The following FCRL2 variants were observed in gnomAD, a reference collection of about 807,000 sequenced individuals.
FCRL2 encodes Fc receptor like 2.
FCRL2 carries 48 observed loss-of-function variants against 59.8 expected under a neutral mutation model. The ratio of observed to expected loss-of-function variants is 0.80; its 90% CI spans 0.64 to 1.02. The LOEUF is 1.02. Among genes scored for constraint, FCRL2 ranks in the 50% least tolerant of loss-of-function variants. The pLI, the probability that FCRL2 is intolerant of heterozygous loss-of-function variation, is 0.00. For missense variants in FCRL2, 658 were observed against 597.3 expected, an observed-to-expected ratio of 1.10 and a Z score of -1.06; for synonymous variants, 251 against 229.5, an observed-to-expected ratio of 1.09 and a Z score of -0.85.
At chr1:157,760,976 A>C (rs985603122) in intron 7 of FCRL2, among the ~76,000 whole-genome samples, 1 of 152,214 alleles carries the variant, frequency 6.6e-6, no homozygotes, top group African/African-American at 2.4e-5. Context: ...AAATAAAATA[A>C]AATACTAGCT....
intron 7 of FCRL2, among the ~76,000 whole-genome samples, chr1:157,758,428 A>G (rs985796016): frequency 2.6e-5 from 4 of 152,186 alleles, no homozygotes; most frequent in African/African-American, 9.7e-5. Flanking sequence ...AACAAGGTGA[A>G]AGAACTCCAC....
At position 157,746,900 on chromosome 1, in the gene FCRL2, C is replaced by T; in HGVS notation, c.1460-1G>A. On this transcript the variant is annotated splice_acceptor_variant, in intron 10 of 11. Transcript: ENST00000361516. LOFTEE classifies it high-confidence loss of function. ...TTCTCCAGAAGTGTCCTGATGTTTG[C>T]TGTTAAGGAAAAAGTAATAGTTCTG... 6.2e-7 allele frequency: 1 copy of T among 1,613,258 alleles called. No individual in the cohort carries two copies. Among genetic ancestry groups the T allele is most frequent in the Non-Finnish European group, 8.5e-7 (1 of 1,179,966 alleles).
In FCRL2 at chr1:157,746,380, GTT is replaced by G. The variant is rs1369039670; in HGVS notation, c.*354_*355del. The G allele has an allele frequency of 2.1e-5, 5 of 234,990 alleles. No homozygotes were observed. Among genetic ancestry groups the G allele is most frequent in the Non-Finnish European group, 4.1e-5 (5 of 121,134 alleles). The allele number at this position is 234,990 out of a possible 1,614,324, so 14.6% of individuals were successfully genotyped here. A position where few individuals can be genotyped will look rare whatever the true frequency, so the allele number is the denominator to read the frequency against. On this transcript the variant is annotated 3_prime_UTR_variant, in exon 12 of 12. Coordinates refer to ENST00000361516, the MANE Select transcript of FCRL2 (RefSeq NM_030764.4). Reference sequence around the variant, plus strand: ...ACTGTATCCAGCAGCACATAAATAAGTTAATACACCACTATCAAGTCCTGTTC... The same window carrying G: ...ACTGTATCCAGCAGCACATAAATAAGAATACACCACTATCAAGTCCTGTTC...
chr1:157,776,740 C>T (rs777307089), intron 1 of FCRL2, among the ~76,000 whole-genome samples: 1 of 152,134 alleles, frequency 6.6e-6, no homozygotes, highest in Admixed American at 6.5e-5. Flanking sequence ...ATATTATGAA[C>T]ATTTTACTAT....
In FCRL2 at chr1:157,751,074, T is replaced by C. The variant is rs550467501; in HGVS notation, c.1280-1397A>G. Among the ~76,000 whole-genome samples the C allele has an allele frequency of 2.6e-5, 4 of 151,624 alleles. No individual in the cohort carries two copies. In the South Asian group the frequency reaches 8.3e-4, roughly 31 times the overall value. On this transcript the variant is annotated intron_variant, in intron 7 of 11. Transcript: ENST00000361516. ...GCAACTGAATACGTATACAAATATA[T>C]AAGAAAAAAAGGAAGACTCAATATC...
rs34230382 is a variant in FCRL2 at position 157,764,029 on chromosome 1, C to CAAAAA, written c.1279+2821_1279+2825dup. Among the ~76,000 whole-genome samples the CAAAAA allele has an allele frequency of 1.3e-4, 13 of 103,214 alleles. 1 individual carries two copies. The highest frequency in any genetic ancestry group is 4.8e-4 in the Admixed American group (5 of 10,444). The allele number at this position is 103,214 out of a possible 152,430, so 67.7% of individuals were successfully genotyped here. A position where few individuals can be genotyped will look rare whatever the true frequency, so the allele number is the denominator to read the frequency against. On this transcript the variant is annotated intron_variant, in intron 7 of 11. Coordinates refer to ENST00000361516, the MANE Select transcript of FCRL2 (RefSeq NM_030764.4). ...TGGGTGATAGTGCGAGACTTCATCT[C>CAAAAA]AAAAAAAAAAAAAAAAAAGCAAAAA...
chr1:157,765,111 C>A (rs1649395085), intron 7 of FCRL2, among the ~76,000 whole-genome samples: 1 of 151,984 alleles, frequency 6.6e-6, no homozygotes, highest in African/African-American at 2.4e-5. Flanking sequence ...TAAACATAAT[C>A]AGAAACGAAA....
At chr1:157,750,385 C>T (rs752587706) in intron 7 of FCRL2, among the ~76,000 whole-genome samples, 2 of 152,192 alleles carry the variant, frequency 1.3e-5, no homozygotes, top group African/African-American at 2.4e-5. Context: ...AAATCAGTAT[C>T]GCTTGTAACA....
intron 7 of FCRL2, among the ~76,000 whole-genome samples, chr1:157,756,404 C>T (rs1329335173): frequency 1.3e-5 from 2 of 152,154 alleles, no homozygotes; most frequent in Non-Finnish European, 2.9e-5. Flanking sequence ...GATATCTGGC[C>T]AGGCATGGTG....
intron 9 of FCRL2, 37 bp from the exon 10 acceptor site, chr1:157,748,655 G>T: frequency 6.3e-7 from 1 of 1,580,650 alleles, no homozygotes; most frequent in Non-Finnish European, 8.7e-7. Flanking sequence ...GATGTTGGTG[G>T]CCCAGGGTTC....
chr1:157,776,979 CT>C, intron 1 of FCRL2, 63 bp downstream of exon 1: 1 of 1,512,686 alleles, frequency 6.6e-7, no homozygotes, highest in Non-Finnish European at 9.2e-7. Flanking sequence ...AACCTCCAAC[CT>C]TTTGGGAGCA....
In FCRL2 at chr1:157,767,228, C is replaced by A. The variant is rs756218624; in HGVS notation, c.1162+3G>T. ...ACTCTGTATCCAGGTAACACCCACC[C>A]ACCTGAGATGGAGACTGGCACTGCC... is the stretch of plus-strand genomic sequence containing the variant. On this transcript the variant is annotated splice_donor_region_variant and intron_variant, in intron 6 of 11. Transcript: ENST00000361516. The A allele has an allele frequency of 3.7e-6, 6 of 1,609,444 alleles. No homozygotes were observed. The highest frequency in any genetic ancestry group is 1.1e-5 in the South Asian group (1 of 90,334).
Position 157,768,699 on chromosome 1 carries a change from T to A in FCRL2, c.598A>T (p.Ile200Phe). ...TCCAAGCTTACATTAGAGATGGGGA[T>A]TCCTAGATGGATATAAGACAACAGG... ...SLQSQIHVQR[I>F]PISNVSLEIR... Residue 200 changes from isoleucine (I) to phenylalanine (F), a missense_variant and splice_region_variant, in exon 5 of 12, where the codon ATC becomes TTC. Physicochemically the swap from Ile to Phe is conservative, Grantham distance 21. Coordinates refer to ENST00000361516, the MANE Select transcript of FCRL2 (RefSeq NM_030764.4). 6.2e-7 allele frequency: 1 copy of A among 1,606,442 alleles called. No homozygotes were observed.
rs1557860624 is a variant in FCRL2, at chr1:157,760,755, GAAGAAAGAATGAAA to G, written c.1279+6086_1279+6099del. On this transcript the variant is annotated intron_variant, in intron 7 of 11. Transcript: ENST00000361516. Reference sequence around the variant, plus strand: ...AGAAAGAAAGAAAGAAAGAAAGAAAGAAGAAAGAATGAAAAAAGAAAGGAAGGAAGGAAGGAGGG... The same window carrying G: ...AGAAAGAAAGAAAGAAAGAAAGAAAGAAAGAAAGGAAGGAAGGAAGGAGGG... 4.3e-4 allele frequency among the ~76,000 whole-genome samples: 54 copies of G among 124,772 alleles called. 1 individual carries two copies. Among genetic ancestry groups the G allele is most frequent in the African/African-American group, 1.4e-3 (47 of 33,450 alleles). 81.9% of individuals were successfully genotyped at this position (124,772 alleles called of 152,430 possible).
rs1183456018 is a variant in FCRL2 at position 157,770,456 on chromosome 1, A to G, written c.263T>C (p.Leu88Pro). ...GNYFCSTKGQ[L>P]FLWDKTSNIV... ...ATTTGAAGTTTTATCCCAGAGAAAG[A>G]GTTGTCCTTTGGTACTACAGAAATA... Residue 88 changes from leucine (L) to proline (P), a missense_variant, in exon 3 of 12, where the codon CTC becomes CCC. Physicochemically the swap from Leu to Pro is moderately conservative, Grantham distance 98 (BLOSUM62 -3). Coordinates refer to ENST00000361516, the MANE Select transcript of FCRL2 (RefSeq NM_030764.4). 8 of 1,614,124 alleles carry G rather than the reference A, an allele frequency of 5.0e-6. No homozygotes were observed. The highest frequency in any genetic ancestry group is 5.9e-6 in the Non-Finnish European group (7 of 1,179,976).
At chr1:157,757,387 A>G (rs1648675350) in intron 7 of FCRL2, among the ~76,000 whole-genome samples, 2 of 152,328 alleles carry the variant, frequency 1.3e-5, no homozygotes, top group South Asian at 4.1e-4. Flanking sequence ...TCTTATAAGA[A>G]GGGACGGGTT....
chr1:157,749,633 C>A lies in FCRL2; in HGVS notation c.1307+17G>T. 6.3e-7 allele frequency: 1 copy of A among 1,595,192 alleles called. No homozygotes were observed. Among genetic ancestry groups the A allele is most frequent in the Non-Finnish European group, 8.6e-7 (1 of 1,166,342 alleles). ...GAGACCTCTAGAATTAAAATTTTTA[C>A]TAGGAAGAGTTCTCACCTGGGTTCA... On this transcript the variant is annotated intron_variant, in intron 8 of 11. Coordinates refer to ENST00000361516, the MANE Select transcript of FCRL2 (RefSeq NM_030764.4).
At chr1:157,765,591 A>T (rs1340555326) in intron 7 of FCRL2, among the ~76,000 whole-genome samples, 1 of 152,230 alleles carries the variant, frequency 6.6e-6, no homozygotes, top group Non-Finnish European at 1.5e-5. Context: ...TTCTGAAATC[A>T]CTTGTTCCAT....
At chr1:157,747,023 T>C (rs1647801934) in intron 10 of FCRL2, 124 bp from the exon 11 acceptor site, 3 of 1,023,592 alleles carry the variant, frequency 2.9e-6, no homozygotes, top group Admixed American at 2.2e-5. Context: ...TCTCCTGTTC[T>C]GTAAAATCCT....
Sources: gnomAD v4.1 joint callset for allele counts (sites outside exome capture counted in the v4.1 genomes callset) on GRCh38, gnomAD v4.1.1 for gene constraint, MANE v1.5 for transcripts, NCBI Gene and HGNC (gene_info 2026-07-23, HGNC 2026-07-21) for gene names.